The following KIF5C variants were observed in gnomAD, a reference collection of about 807,000 sequenced individuals.
KIF5C encodes the protein kinesin heavy chain isoform 5C.
Under a neutral mutation model 125.2 loss-of-function variants are expected in KIF5C, and 18 were observed. The observed-to-expected ratio is 0.14, with a 90% CI of 0.10 to 0.21. The LOEUF (loss-of-function observed/expected upper bound fraction) is 0.21, where lower values mean the gene tolerates loss of function less well. KIF5C is among the 10% of genes least tolerant of loss of function. The pLI is 1.00. For synonymous variants in KIF5C, 405 were observed against 434.0 expected (o/e 0.93, Z 0.83); for missense variants, 780 against 1,183.8 (o/e 0.66, Z 5.01).
rs531040948 is a variant in KIF5C, at chr2:149,010,170, G to A, written c.2586G>A (p.Leu862=). 6.4e-7 allele frequency: 1 copy of A among 1,552,854 alleles called. No homozygotes were observed. The highest frequency in any genetic ancestry group is 8.7e-7 in the Non-Finnish European group (1 of 1,147,818). ...ACAACGCAGACCTGCGCTGTGAACT[G>A]CCCAAGCTGGAGAAGCGGCTGCGTG... ...VRDNADLRCE[L]PKLEKRLRAT... is the part of the protein sequence containing the mutation. The change falls in exon 24 of 26, where the codon CTG becomes CTA. Residue 862 remains leucine, a synonymous_variant. Transcript: ENST00000435030.
intron 12 of KIF5C, among the ~76,000 whole-genome samples, chr2:148,978,410 C>T (rs2105154723): frequency 7.1e-6 from 1 of 140,900 alleles, no homozygotes; most frequent in East Asian, 2.2e-4. Flanking sequence ...TCTTCCAATG[C>T]CAAATCTCCA....
chr2:148,923,271 T>C (rs1681861343), intron 2 of KIF5C, among the ~76,000 whole-genome samples: 1 of 152,312 alleles, frequency 6.6e-6, no homozygotes, highest in South Asian at 2.1e-4. Context: ...CATCTGTTCG[T>C]TTAATTCTGA....
At chr2:148,889,960 T>C (rs1681658245) in intron 1 of KIF5C, among the ~76,000 whole-genome samples, 1 of 152,216 alleles carries the variant, frequency 6.6e-6, no homozygotes, top group Non-Finnish European at 1.5e-5. Flanking sequence ...TTTGTTGTCT[T>C]ACTTTAGAAG....
chr2:149,007,112 A>G (rs990373309), intron 22 of KIF5C, among the ~76,000 whole-genome samples: 1 of 152,202 alleles, frequency 6.6e-6, no homozygotes, highest in Non-Finnish European at 1.5e-5. Flanking sequence ...ATCAGAGACT[A>G]GGGATGGGGC....
intron 2 of KIF5C, among the ~76,000 whole-genome samples, chr2:148,928,747 CTGTTTAT>C (rs1682096922): frequency 6.6e-6 from 1 of 152,142 alleles, no homozygotes; most frequent in Non-Finnish European, 1.5e-5. Context: ...TCCTGAGGCT[CTGTTTAT>C]AGAGTGGGGC....
intron 1 of KIF5C, among the ~76,000 whole-genome samples, chr2:148,920,198 A>G (rs1353646973): frequency 6.6e-6 from 1 of 152,222 alleles, no homozygotes; most frequent in Non-Finnish European, 1.5e-5. Context: ...GCTGTAAACA[A>G]GACGCTTTAC....
intron 11 of KIF5C, among the ~76,000 whole-genome samples, chr2:148,963,728 T>G (rs1264842620): frequency 1.3e-5 from 2 of 152,188 alleles, no homozygotes; most frequent in African/African-American, 4.8e-5. Flanking sequence ...GGACATTCAG[T>G]AAAGCCTTTT....
At chr2:148,898,823 T>C (rs1039426153) in intron 1 of KIF5C, among the ~76,000 whole-genome samples, 2 of 152,180 alleles carry the variant, frequency 1.3e-5, no homozygotes, top group Non-Finnish European at 1.5e-5. Context: ...TTTCTGTTAA[T>C]TTTTTATAGC....
At chr2:149,010,723 G>A (rs1288130927) in intron 24 of KIF5C, among the ~76,000 whole-genome samples, 1 of 152,222 alleles carries the variant, frequency 6.6e-6, no homozygotes, top group African/African-American at 2.4e-5. Flanking sequence ...TGCACCCGGT[G>A]GGAGCATGAA....
chr2:148,938,631 A>G (rs73966659), intron 4 of KIF5C, among the ~76,000 whole-genome samples: 20,260 of 152,104 alleles, frequency 0.13, 2,036 homozygotes, highest in African/African-American at 0.27. Context: ...AGCTGTGTCC[A>G]GGATGCACAT....
At chr2:148,989,593 G>A (rs187632539) in intron 15 of KIF5C, among the ~76,000 whole-genome samples, 80 of 152,224 alleles carry the variant, frequency 5.3e-4, no homozygotes, top group Admixed American at 2.6e-4. Flanking sequence ...ACTAGTTTAC[G>A]TTCCCACCAG....
chr2:148,985,609 T>A (rs1409967539), intron 15 of KIF5C, among the ~76,000 whole-genome samples: 1 of 152,194 alleles, frequency 6.6e-6, no homozygotes, highest in Non-Finnish European at 1.5e-5. Flanking sequence ...GGTATTACAT[T>A]GCTTACCTTA....
chr2:148,923,455 T>G (rs1681871194), intron 2 of KIF5C, among the ~76,000 whole-genome samples: 1 of 152,212 alleles, frequency 6.6e-6, no homozygotes, highest in South Asian at 2.1e-4. Context: ...CTTTCTGAAT[T>G]AATAGTATGG....
At chr2:148,987,870 A>G (rs560764287) in intron 15 of KIF5C, among the ~76,000 whole-genome samples, 1 of 152,312 alleles carries the variant, frequency 6.6e-6, no homozygotes, top group African/African-American at 2.4e-5. Context: ...TTAAATGTGA[A>G]CATGCACCTT....
intron 4 of KIF5C, among the ~76,000 whole-genome samples, chr2:148,941,362 C>T (rs534113052): frequency 6.6e-5 from 10 of 152,174 alleles, no homozygotes; most frequent in Non-Finnish European, 1.3e-4. Context: ...ATGTTAAGAA[C>T]ACTTGAATGA....
chr2:148,973,493 C>T lies in KIF5C; in HGVS notation c.1275C>T (p.Tyr425=), dbSNP rs191338661. Residue 425 remains tyrosine, a synonymous_variant, in exon 12 of 26, where the codon TAC becomes TAT. Coordinates refer to ENST00000435030, the MANE Select transcript of KIF5C (RefSeq NM_004522.3). ...ACGATGAGGAGATCTCCAGTCTCTA[C>T]AGACAACTGGATGACAAGGTCTGTG... ...EKYDEEISSL[Y]RQLDDKDDEI... is the part of the protein sequence containing the mutation. 6 of 1,609,942 alleles carry T rather than the reference C, an allele frequency of 3.7e-6. No homozygotes were observed. The highest frequency in any genetic ancestry group is 3.4e-5 in the Admixed American group (2 of 59,252).
intron 3 of KIF5C, among the ~76,000 whole-genome samples, chr2:148,934,339 C>T (rs142842727): frequency 2.4e-4 from 36 of 151,788 alleles, no homozygotes; most frequent in Non-Finnish European, 4.4e-4. Context: ...ACACATCACA[C>T]ACATCCATAT....
chr2:148,912,307 C>T (rs1357994330), intron 1 of KIF5C, among the ~76,000 whole-genome samples: 1 of 152,196 alleles, frequency 6.6e-6, no homozygotes, highest in Non-Finnish European at 1.5e-5. Context: ...GGTACCCTGT[C>T]CTCCAACTAA....
At chr2:148,905,835 G>A (rs960308260) in intron 1 of KIF5C, among the ~76,000 whole-genome samples, 4 of 152,090 alleles carry the variant, frequency 2.6e-5, no homozygotes, top group African/African-American at 9.7e-5. Context: ...GGGAGGCCTC[G>A]CAATCATGGT....
Sources: gnomAD v4.1 joint callset for allele counts (sites outside exome capture counted in the v4.1 genomes callset) on GRCh38, gnomAD v4.1.1 for gene constraint, MANE v1.5 for transcripts, NCBI Gene and HGNC (gene_info 2026-07-23, HGNC 2026-07-21) for gene names.